Variants in MYT1L observed in about 807,000 individuals in gnomAD.
The protein encoded by MYT1L is myelin transcription factor 1-like protein.
In MYT1L, 12 loss-of-function variants were observed where a neutral mutation model predicts 126.7. That is an observed-to-expected ratio of 0.09 (90% confidence interval 0.06 to 0.15). The LOEUF is 0.15. Ranked by LOEUF, MYT1L falls within the 10% of genes least tolerant of loss-of-function variation. The pLI, the probability that MYT1L is intolerant of heterozygous loss-of-function variation, is 1.00. For synonymous variants in MYT1L, 541 were observed against 604.2 expected (o/e 0.90, Z 1.53); for missense variants, 979 against 1,585.2 (o/e 0.62, Z 6.49).
At chr2:2,261,490 C>A (rs1647514833) in intron 2 of MYT1L, among the ~76,000 whole-genome samples, 2 of 152,166 alleles carry the variant, frequency 1.3e-5, no homozygotes, top group Non-Finnish European at 2.9e-5. Context: ...TTAGTCCTCC[C>A]CCCTGTTAGG....
At chr2:2,003,769 T>C (rs2062661434) in intron 4 of MYT1L, among the ~76,000 whole-genome samples, 1 of 152,138 alleles carries the variant, frequency 6.6e-6, no homozygotes, top group African/African-American at 2.4e-5. Context: ...GACCCCCACT[T>C]TCCCTGACTA....
intron 21 of MYT1L, among the ~76,000 whole-genome samples, chr2:1,817,853 C>T (rs72765562): frequency 0.026 from 3,989 of 152,304 alleles, 86 homozygotes; most frequent in African/African-American, 0.053. Context: ...TGAGACCCAG[C>T]GGCCTGTTAC....
At chr2:2,032,753 C>T (rs1433484704) in intron 4 of MYT1L, among the ~76,000 whole-genome samples, 1 of 115,546 alleles carries the variant, frequency 8.7e-6, no homozygotes. Flanking sequence ...GTCGCCAGTG[C>T]CTCTCATCCT....
intron 2 of MYT1L, among the ~76,000 whole-genome samples, chr2:2,226,588 T>G (rs1423955652): frequency 1.3e-5 from 2 of 152,148 alleles, no homozygotes; most frequent in African/African-American, 2.4e-5. Context: ...CCATTCTGCC[T>G]GTGACCTCTC....
intron 3 of MYT1L, among the ~76,000 whole-genome samples, chr2:2,082,219 C>G (rs755674784): frequency 2.0e-5 from 3 of 152,130 alleles, no homozygotes; most frequent in Non-Finnish European, 4.4e-5. Flanking sequence ...TATGGAAACA[C>G]CTGGGGCAGT....
At chr2:2,003,722 G>C (rs574162052) in intron 4 of MYT1L, among the ~76,000 whole-genome samples, 92 of 152,266 alleles carry the variant, frequency 6.0e-4, no homozygotes, top group African/African-American at 2.1e-3. Context: ...GCTTAGGGCT[G>C]CCGAGCCTCC....
chr2:1,985,962 A>C (rs1251276208), intron 5 of MYT1L, among the ~76,000 whole-genome samples: 1 of 152,216 alleles, frequency 6.6e-6, no homozygotes, highest in Non-Finnish European at 1.5e-5. Flanking sequence ...AGCTGGACCC[A>C]ACAGAGGTGG....
intron 4 of MYT1L, among the ~76,000 whole-genome samples, chr2:2,046,663 C>A (rs777385083): frequency 1.3e-5 from 2 of 152,186 alleles, no homozygotes; most frequent in Non-Finnish European, 2.9e-5. Flanking sequence ...TTGGTTCTTG[C>A]AGGTGTGGTC....
chr2:1,968,740 T>C (rs902557253), intron 8 of MYT1L, among the ~76,000 whole-genome samples: 1 of 152,076 alleles, frequency 6.6e-6, no homozygotes, highest in African/African-American at 2.4e-5. Context: ...TGGGTCGCCT[T>C]TGTGGTTGGC....
chr2:2,052,555 T>C (rs929346116), intron 4 of MYT1L, among the ~76,000 whole-genome samples: 1 of 152,202 alleles, frequency 6.6e-6, no homozygotes. Context: ...AAGGAGCTAA[T>C]ATCTATAATA....
intron 3 of MYT1L, among the ~76,000 whole-genome samples, chr2:2,154,098 C>T (rs944242529): frequency 6.6e-6 from 1 of 152,132 alleles, no homozygotes; most frequent in African/African-American, 2.4e-5. Context: ...GCTCAGCGGG[C>T]GTTTTGAAGA....
chr2:1,863,975 G>A (rs933914687), intron 18 of MYT1L, among the ~76,000 whole-genome samples: 1 of 152,134 alleles, frequency 6.6e-6, no homozygotes, highest in African/African-American at 2.4e-5. Flanking sequence ...AGGAGCTCAA[G>A]GACCGCTGGG....
At chr2:2,163,150 A>C (rs2088315275) in intron 3 of MYT1L, among the ~76,000 whole-genome samples, 1 of 152,080 alleles carries the variant, frequency 6.6e-6, no homozygotes, top group Non-Finnish European at 1.5e-5. Flanking sequence ...CTGACCCTAA[A>C]TGAGCATTGT....
intron 8 of MYT1L, among the ~76,000 whole-genome samples, chr2:1,956,547 A>T (rs2058457688): frequency 7.0e-6 from 1 of 142,572 alleles, no homozygotes; most frequent in African/African-American, 2.6e-5. Flanking sequence ...CTATCTATCT[A>T]TCATCTATCC....
At chr2:2,177,172 T>C (rs2090902684) in intron 2 of MYT1L, among the ~76,000 whole-genome samples, 2 of 152,164 alleles carry the variant, frequency 1.3e-5, no homozygotes, top group African/African-American at 4.8e-5. Flanking sequence ...GGAACAACCT[T>C]GTTGTGTCGG....
chr2:2,304,417 T>A (rs971852953), intron 1 of MYT1L, among the ~76,000 whole-genome samples: 2 of 152,220 alleles, frequency 1.3e-5, no homozygotes, highest in Non-Finnish European at 2.9e-5. Context: ...ACATCAGTTG[T>A]ACTCTGAAGT....
intron 2 of MYT1L, among the ~76,000 whole-genome samples, chr2:2,269,353 A>C (rs2095212857): frequency 6.6e-6 from 1 of 152,230 alleles, no homozygotes; most frequent in African/African-American, 2.4e-5. Context: ...GCCCTGCTCA[A>C]CTGCAGCCCA....
intron 1 of MYT1L, among the ~76,000 whole-genome samples, chr2:2,306,583 C>T (rs1421702315): frequency 6.6e-6 from 1 of 152,094 alleles, no homozygotes; most frequent in Non-Finnish European, 1.5e-5. Flanking sequence ...TTCCAAATAT[C>T]GAGGTACCCT....
At chr2:2,180,095 G>A (rs947291365) in intron 2 of MYT1L, among the ~76,000 whole-genome samples, 4 of 152,088 alleles carry the variant, frequency 2.6e-5, no homozygotes, top group Non-Finnish European at 5.9e-5. Context: ...AAGAAACTAG[G>A]GTGCTTGAAG....
Sources: gnomAD v4.1 joint callset for allele counts (sites outside exome capture counted in the v4.1 genomes callset) on GRCh38, gnomAD v4.1.1 for gene constraint, MANE v1.5 for transcripts, NCBI Gene and HGNC (gene_info 2026-07-23, HGNC 2026-07-21) for gene names.